The following FAM110B variants were observed in gnomAD, a reference collection of about 807,000 sequenced individuals.
FAM110B encodes the protein protein FAM110B.
Under a neutral mutation model 20.4 loss-of-function variants are expected in FAM110B, and 6 were observed. That is an observed-to-expected ratio of 0.29 (90% CI 0.16 to 0.58). The LOEUF (loss-of-function observed/expected upper bound fraction) is 0.58, where lower values mean the gene tolerates loss of function less well. Among genes scored for constraint, FAM110B ranks in the 20% least tolerant of loss-of-function variants. The probability of loss-of-function intolerance (pLI) is 0.90; values close to 1 mark genes in which losing one functional copy is unlikely to be tolerated. For missense variants in FAM110B, 434 were observed against 498.2 expected (o/e 0.87, Z 1.23); for synonymous variants, 226 against 214.1 (o/e 1.06, Z -0.49).
chr8:58,087,722 T>C (rs1806373418), intron 3 of FAM110B, among the ~76,000 whole-genome samples: 1 of 152,198 alleles, frequency 6.6e-6, no homozygotes, highest in Non-Finnish European at 1.5e-5. Flanking sequence ...GTCTCTCCTT[T>C]AGCCAAAACC....
intron 1 of FAM110B, among the ~76,000 whole-genome samples, chr8:58,006,474 G>A (rs1804404952): frequency 6.6e-6 from 1 of 152,178 alleles, no homozygotes; most frequent in African/African-American, 2.4e-5. Flanking sequence ...CTGACTGTGG[G>A]TCTTTAAACC....
intron 2 of FAM110B, among the ~76,000 whole-genome samples, chr8:58,045,185 C>A (rs1805295122): frequency 6.6e-6 from 1 of 152,136 alleles, no homozygotes; most frequent in South Asian, 2.1e-4. Context: ...GTTCAGAGCA[C>A]ACTTGAATTC....
At chr8:58,121,732 G>A (rs1040691773) in intron 3 of FAM110B, among the ~76,000 whole-genome samples, 2 of 152,098 alleles carry the variant, frequency 1.3e-5, no homozygotes, top group African/African-American at 4.8e-5. Flanking sequence ...TCTGGAGTTA[G>A]ATTATTTTCC....
At chr8:58,045,618 A>G (rs16922946) in intron 2 of FAM110B, among the ~76,000 whole-genome samples, 11,835 of 152,276 alleles carry the variant, frequency 0.078, 729 homozygotes, top group African/African-American at 0.17. Context: ...GACATGTTTC[A>G]TAGTTGATTA....
chr8:58,090,303 G>C (rs183041660), intron 3 of FAM110B, among the ~76,000 whole-genome samples: 4 of 152,250 alleles, frequency 2.6e-5, no homozygotes, highest in Admixed American at 2.6e-4. Flanking sequence ...GAGACTACAG[G>C]CGCATGCCGC....
intron 3 of FAM110B, among the ~76,000 whole-genome samples, chr8:58,090,560 A>T (rs116761715): frequency 2.0e-3 from 304 of 152,348 alleles, no homozygotes; most frequent in African/African-American, 7.1e-3. Flanking sequence ...GTTATCAGCA[A>T]GGCTTCCAGT....
intron 2 of FAM110B, among the ~76,000 whole-genome samples, chr8:58,068,991 T>C (rs1390855397): frequency 6.6e-6 from 1 of 152,242 alleles, no homozygotes; most frequent in East Asian, 1.9e-4. Context: ...CCTGAAAATT[T>C]ATTTTTAAGA....
chr8:58,065,572 T>C (rs1805743106), intron 2 of FAM110B, among the ~76,000 whole-genome samples: 1 of 152,328 alleles, frequency 6.6e-6, no homozygotes, highest in South Asian at 2.1e-4. Context: ...ATGATTATAA[T>C]ACCTAATTAT....
intron 3 of FAM110B, among the ~76,000 whole-genome samples, chr8:58,081,755 C>A (rs1806198813): frequency 6.6e-6 from 1 of 152,088 alleles, no homozygotes; most frequent in Non-Finnish European, 1.5e-5. Flanking sequence ...TCCTTTAGTG[C>A]CCGTTTCAAA....
intron 3 of FAM110B, among the ~76,000 whole-genome samples, chr8:58,119,430 A>T (rs1443170164): frequency 1.3e-5 from 2 of 152,118 alleles, no homozygotes; most frequent in Admixed American, 1.3e-4. Context: ...CACTAATCCT[A>T]TTCATGAGAC....
At chr8:58,000,115 G>T (rs1280236296) in intron 1 of FAM110B, among the ~76,000 whole-genome samples, 1 of 152,096 alleles carries the variant, frequency 6.6e-6, no homozygotes, top group African/African-American at 2.4e-5. Flanking sequence ...CCTCTGCAAG[G>T]TCTCTGGGCA....
rs375902544 is a variant in FAM110B, at chr8:58,146,503, C to T, written c.273C>T (p.Arg91=). The T allele has an allele frequency of 5.3e-5, 85 of 1,613,712 alleles. No homozygotes were observed. Among genetic ancestry groups the T allele is most frequent in the Non-Finnish European group, 6.8e-5 (80 of 1,179,898 alleles). The change falls in exon 4 of 4, where the codon CGC becomes CGT. Residue 91 remains arginine (R), a synonymous_variant. Coordinates refer to ENST00000519262, the MANE Select transcript of FAM110B (RefSeq NM_001377989.1). ...CCCCGGTGTGCCCGGCTGCCAAGCGCGCACTGGGCAGCCCCACGCTCAAAG... is the reference window on the plus strand; with the variant it reads ...CCCCGGTGTGCCCGGCTGCCAAGCGTGCACTGGGCAGCCCCACGCTCAAAG... ...AKPPVCPAAK[R]ALGSPTLKVF...
chr8:58,094,757 T>G (rs6471682), intron 3 of FAM110B, among the ~76,000 whole-genome samples: 29,008 of 152,112 alleles, frequency 0.19, 6,179 homozygotes, highest in African/African-American at 0.53. Flanking sequence ...GATGATGCTG[T>G]CCTCATAAAA....
At chr8:58,114,349 C>A (rs1807142036) in intron 3 of FAM110B, among the ~76,000 whole-genome samples, 1 of 152,116 alleles carries the variant, frequency 6.6e-6, no homozygotes, top group African/African-American at 2.4e-5. Flanking sequence ...AAATAATATA[C>A]TTCCCTGAAT....
chr8:57,995,776 G>A (rs1434491011), intron 1 of FAM110B, among the ~76,000 whole-genome samples: 4 of 152,150 alleles, frequency 2.6e-5, no homozygotes, highest in African/African-American at 7.2e-5. Context: ...AAAAGTGCAG[G>A]CTTTCTTTCC....
At chr8:58,090,331 T>C (rs1585877244) in intron 3 of FAM110B, among the ~76,000 whole-genome samples, 1 of 152,134 alleles carries the variant, frequency 6.6e-6, no homozygotes, top group South Asian at 2.1e-4. Flanking sequence ...GGCTAACTTT[T>C]TGTGTTTCTA....
chr8:58,101,350 CA>C (rs1450181237), intron 3 of FAM110B, among the ~76,000 whole-genome samples: 2 of 152,094 alleles, frequency 1.3e-5, no homozygotes, highest in Admixed American at 1.3e-4. Flanking sequence ...TGTGTGTTGC[CA>C]AGCTCCAAAA....
intron 2 of FAM110B, among the ~76,000 whole-genome samples, chr8:58,073,662 A>C (rs1043296605): frequency 6.6e-6 from 1 of 152,194 alleles, no homozygotes; most frequent in East Asian, 1.9e-4. Flanking sequence ...TTTGATTGCT[A>C]TTATACTCTT....
At position 58,038,782 on chromosome 8, in the gene FAM110B, A is replaced by G. The variant is rs151322577; in HGVS notation, c.-414+7079A>G. On this transcript the variant is annotated intron_variant, in intron 2 of 3. Coordinates refer to ENST00000519262, the MANE Select transcript of FAM110B (RefSeq NM_001377989.1). ...AAAAAAAAAAAATCTCTGAAAAGTAACAAGTGCATCAAATTATATTAAAAG... is the reference window on the plus strand; with the variant it reads ...AAAAAAAAAAAATCTCTGAAAAGTAGCAAGTGCATCAAATTATATTAAAAG... 2.5e-3 allele frequency among the ~76,000 whole-genome samples: 380 copies of G among 152,258 alleles called. 3 individuals are homozygous for G. Among genetic ancestry groups the G allele is most frequent in the African/African-American group, 8.9e-3 (368 of 41,562 alleles).
Sources: allele counts gnomAD v4.1 joint callset (sites outside exome capture counted in the v4.1 genomes callset), GRCh38; gene constraint gnomAD v4.1.1; transcripts MANE v1.5; gene names NCBI Gene and HGNC (gene_info 2026-07-23, HGNC 2026-07-21).